RBP7: variants seen among roughly 807,000 people sequenced by gnomAD.
RBP7 encodes retinol binding protein 7.
In RBP7, 13 loss-of-function variants were observed where a neutral mutation model predicts 16.7. The observed-to-expected ratio is 0.78, with a 90% CI of 0.51 to 1.24. The LOEUF is 1.24. Ranked by LOEUF, RBP7 falls within the 50% of genes most tolerant of loss-of-function variation. RBP7 has a pLI of 0.00. For synonymous variants in RBP7, 54 were observed against 56.2 expected (o/e 0.96, Z 0.17); for missense variants, 145 against 159.5 (o/e 0.91, Z 0.49).
chr1:10,005,129 C>G (rs530995875), intron 1 of RBP7, among the ~76,000 whole-genome samples: 1 of 152,298 alleles, frequency 6.6e-6, no homozygotes, highest in South Asian at 2.1e-4. Context: ...TTTAAACACA[C>G]ACACACAAGC....
intron 1 of RBP7, among the ~76,000 whole-genome samples, chr1:10,005,768 G>T (rs563819754): frequency 6.6e-6 from 1 of 152,138 alleles, no homozygotes; most frequent in African/African-American, 2.4e-5. Context: ...TTGCCATGTT[G>T]CCCAGGCTGG....
intron 1 of RBP7, among the ~76,000 whole-genome samples, chr1:10,001,203 G>C (rs773555677): frequency 1.1e-4 from 16 of 152,158 alleles, no homozygotes; most frequent in Non-Finnish European, 2.4e-4. Flanking sequence ...TAGTGTTCAG[G>C]AACTGATCCT....
Position 10,015,956 on chromosome 1 carries a change from C to A in RBP7, c.*124C>A. On this transcript the variant is annotated 3_prime_UTR_variant, in exon 4 of 4. Transcript: ENST00000294435. The stretch of plus-strand genomic sequence containing the variant: ...CTCGTGGCTGGAGAGAGCCACACAG[C>A]GTGTAACCTGAAGTCATCTAGATTA... 2 of 802,868 alleles carry A rather than the reference C, an allele frequency of 2.5e-6. No homozygotes were observed. The highest frequency in any genetic ancestry group is 4.2e-6 in the Non-Finnish European group (2 of 477,472). The allele number at this position is 802,868 out of a possible 1,614,324, so 49.7% of individuals were successfully genotyped here. A position where few individuals can be genotyped will look rare whatever the true frequency, so the allele number is the denominator to read the frequency against.
At chr1:10,010,866 A>G (rs1642598625) in intron 3 of RBP7, among the ~76,000 whole-genome samples, 1 of 151,616 alleles carries the variant, frequency 6.6e-6, no homozygotes, top group African/African-American at 2.4e-5. Context: ...TTATAGGTGT[A>G]AGCCAGCATG....
chr1:10,009,521 A>ATT lies in RBP7; in HGVS notation c.354+1262_354+1263dup, dbSNP rs112431441. Among the ~76,000 whole-genome samples, 75 of 141,214 alleles carry ATT rather than the reference A, an allele frequency of 5.3e-4. 1 individual carries two copies. Among genetic ancestry groups the ATT allele is most frequent in the African/African-American group, 1.9e-3 (71 of 37,884 alleles). 92.6% of individuals were successfully genotyped at this position (141,214 alleles called of 152,430 possible). ...ACCCAAGCTGAAAAGTTAATGTCTT[A>ATT]TTTTTTTTTTTTTTTTGAGATGGAG... On this transcript the variant is annotated intron_variant, in intron 3 of 3. Transcript: ENST00000294435.
At position 9,997,770 on chromosome 1, in the gene RBP7, C is replaced by A. The variant is rs570917197; in HGVS notation, c.73+439C>A. The stretch of plus-strand genomic sequence containing the variant: ...GGGACCGAAGCCTCTGCCCGGCCAC[C>A]CTCCCCGCAGCCGCCTTCCGTGCAG... On this transcript the variant is annotated intron_variant, in intron 1 of 3. Transcript: ENST00000294435. This position sits in a 1 kb window ranked among gnomAD's most constrained non-coding sequence, Gnocchi z 5.9. Among the ~76,000 whole-genome samples, 50 of 152,090 alleles carry A rather than the reference C, an allele frequency of 3.3e-4. No homozygotes were observed. The South Asian group carries it at 9.1e-3, about 28-fold the overall frequency.
chr1:10,009,402 C>CA lies in RBP7; in HGVS notation c.354+1137dup, dbSNP rs201535530. 3.9e-4 allele frequency among the ~76,000 whole-genome samples: 57 copies of CA among 146,054 alleles called. 1 individual carries two copies. Among genetic ancestry groups the CA allele is most frequent in the East Asian group, 2.0e-3 (10 of 5,008 alleles). ...TACGGCCTGGTGACAGAGGCCGTTT[C>CA]AAAAAAAAATAAAACAAAATAAGGG... is the stretch of plus-strand genomic sequence containing the variant. On this transcript the variant is annotated intron_variant, in intron 3 of 3. Coordinates refer to ENST00000294435, the MANE Select transcript of RBP7 (RefSeq NM_052960.3).
chr1:10,005,321 C>G (rs931008918), intron 1 of RBP7, among the ~76,000 whole-genome samples: 1 of 152,114 alleles, frequency 6.6e-6, no homozygotes, highest in African/African-American at 2.4e-5. Context: ...AACTGATTCT[C>G]CTGCCTCAGC....
At chr1:10,002,551 G>A (rs565838576) in intron 1 of RBP7, among the ~76,000 whole-genome samples, 1 of 151,964 alleles carries the variant, frequency 6.6e-6, no homozygotes, top group African/African-American at 2.4e-5. Context: ...CCAGGCTGGA[G>A]TGTAGTGGCA....
rs548173977 is a variant in RBP7 at position 9,998,167 on chromosome 1, C to G, written c.73+836C>G. 1.4e-4 allele frequency among the ~76,000 whole-genome samples: 22 copies of G among 151,966 alleles called. No homozygotes were observed. In the South Asian group the frequency reaches 2.5e-3, roughly 17 times the overall value. ...GCCACCACGTCCGGCTAATTTTGTA[C>G]TTTTAGTAGAGAAGGGGTTTCACTA... On this transcript the variant is annotated intron_variant, in intron 1 of 3. Coordinates refer to ENST00000294435, the MANE Select transcript of RBP7 (RefSeq NM_052960.3).
chr1:9,997,652 C>G lies in RBP7; in HGVS notation c.73+321C>G, dbSNP rs1421079046. Among the ~76,000 whole-genome samples, 1 of 151,872 alleles carries G rather than the reference C, an allele frequency of 6.6e-6. No homozygotes were observed. Among genetic ancestry groups the G allele is most frequent in the Non-Finnish European group, 1.5e-5 (1 of 67,926 alleles). ...GTCCCTGAGTGCCCGCGTCCAGCCC[C>G]ACGTCCGTCTCTACCCGCACGCGGC... On this transcript the variant is annotated intron_variant, in intron 1 of 3. Coordinates refer to ENST00000294435, the MANE Select transcript of RBP7 (RefSeq NM_052960.3). This position sits in a 1 kb window ranked among gnomAD's most constrained non-coding sequence, Gnocchi z 5.9.
intron 3 of RBP7, among the ~76,000 whole-genome samples, chr1:10,010,395 C>A (rs978955403): frequency 2.6e-5 from 4 of 151,470 alleles, no homozygotes; most frequent in Non-Finnish European, 1.5e-5. Flanking sequence ...GGATTACAGG[C>A]GTGAGCCACT....
At chr1:10,002,345 T>G (rs756196930) in intron 1 of RBP7, among the ~76,000 whole-genome samples, 1 of 151,922 alleles carries the variant, frequency 6.6e-6, no homozygotes, top group Non-Finnish European at 1.5e-5. Flanking sequence ...TGTCTTATTT[T>G]CTATTTAACA....
intron 3 of RBP7, among the ~76,000 whole-genome samples, chr1:10,014,567 A>G (rs189022641): frequency 6.6e-6 from 1 of 151,878 alleles, no homozygotes; most frequent in East Asian, 1.9e-4. Context: ...TTGTATTTTT[A>G]GTACAGACAG....
chr1:10,006,316 G>C (rs1642438853), intron 1 of RBP7, among the ~76,000 whole-genome samples: 1 of 152,000 alleles, frequency 6.6e-6, no homozygotes, highest in South Asian at 2.1e-4. Context: ...AGACCAACCT[G>C]GGCAACATAG....
In RBP7 at chr1:10,006,702, A is replaced by G. The variant is rs1255161205; in HGVS notation, c.74-868A>G. Among the ~76,000 whole-genome samples the G allele has an allele frequency of 2.7e-5, 4 of 150,448 alleles. No individual in the cohort carries two copies. The East Asian group carries it at 7.8e-4, about 29-fold the overall frequency. On this transcript the variant is annotated intron_variant, in intron 1 of 3. Coordinates refer to ENST00000294435, the MANE Select transcript of RBP7 (RefSeq NM_052960.3). ...AGAGTGAGACTGTGTCTCGGAAAAA[A>G]AAAAAGAAAAAAAAAAGTATATACG...
chr1:10,013,664 G>T (rs771999550), intron 3 of RBP7, among the ~76,000 whole-genome samples: 1 of 152,032 alleles, frequency 6.6e-6, no homozygotes, highest in Non-Finnish European at 1.5e-5. Context: ...ACAAAAATTA[G>T]CCGGGTGTGG....
intron 3 of RBP7, 103 bp downstream of exon 3, chr1:10,008,377 G>T: frequency 2.9e-6 from 2 of 682,854 alleles, no homozygotes; most frequent in South Asian, 1.7e-5. Flanking sequence ...TTAGGAGGCC[G>T]AGGTGGGTGT....
At position 10,010,852 on chromosome 1, in the gene RBP7, G is replaced by A. The variant is rs185374808; in HGVS notation, c.354+2578G>A. On this transcript the variant is annotated intron_variant, in intron 3 of 3. Transcript: ENST00000294435. ...GCCCACCTCGGCCTCCCAAAGTGCTGGGATTATAGGTGTAAGCCAGCATGC... is the reference window on the plus strand; with the variant it reads ...GCCCACCTCGGCCTCCCAAAGTGCTAGGATTATAGGTGTAAGCCAGCATGC... 3.2e-3 allele frequency among the ~76,000 whole-genome samples: 490 copies of A among 152,168 alleles called. 1 individual carries two copies. Among genetic ancestry groups the A allele is most frequent in the African/African-American group, 0.011 (472 of 41,538 alleles).
Sources: gnomAD v4.1 joint callset for allele counts (sites outside exome capture counted in the v4.1 genomes callset) on GRCh38, gnomAD v4.1.1 for gene constraint, Gnocchi (gnomAD v3.1) non-coding constraint, MANE v1.5 for transcripts, NCBI Gene and HGNC (gene_info 2026-07-23, HGNC 2026-07-21) for gene names.